Variants in ICA1 observed in about 807,000 individuals in gnomAD.
ICA1 encodes 69 kDa islet cell autoantigen.
Under a neutral mutation model 71.0 loss-of-function variants are expected in ICA1, and 40 were observed. The observed-to-expected ratio is 0.56, with a 90% CI of 0.44 to 0.73. ICA1 has a LOEUF of 0.73. Among genes scored for constraint, ICA1 ranks in the 30% least tolerant of loss-of-function variants. The pLI is 0.00. For missense variants in ICA1, 578 were observed against 576.5 expected (o/e 1.00, Z -0.03); for synonymous variants, 207 against 209.5 (o/e 0.99, Z 0.10).
intron 13 of ICA1, among the ~76,000 whole-genome samples, chr7:8,115,507 T>C (rs1784517068): frequency 6.6e-6 from 1 of 152,102 alleles, no homozygotes; most frequent in Admixed American, 6.5e-5. Flanking sequence ...TCCTCAAGGG[T>C]CTTAGGAGGT....
At chr7:8,156,984 C>T (rs1340643183) in intron 8 of ICA1, 132 bp downstream of exon 8, 1 of 1,576,924 alleles carries the variant, frequency 6.3e-7, no homozygotes, top group Non-Finnish European at 8.6e-7. Flanking sequence ...AAAGACTCTG[C>T]TGGGGGCACA....
intron 6 of ICA1, among the ~76,000 whole-genome samples, chr7:8,204,053 G>A (rs1790648932): frequency 6.8e-6 from 1 of 147,106 alleles, no homozygotes; most frequent in Non-Finnish European, 1.5e-5. Context: ...AAGAGACAGA[G>A]AGATTGGTGA....
chr7:8,219,322 G>A (rs1796332943), intron 5 of ICA1, among the ~76,000 whole-genome samples: 1 of 152,218 alleles, frequency 6.6e-6, no homozygotes, highest in African/African-American at 2.4e-5. Flanking sequence ...TCTTCATGAA[G>A]TTTCAGGGCA....
At chr7:8,246,567 T>C (rs566175216) in intron 1 of ICA1, among the ~76,000 whole-genome samples, 1 of 152,218 alleles carries the variant, frequency 6.6e-6, no homozygotes, top group East Asian at 1.9e-4. Context: ...CTTGATGGGG[T>C]TACAATATAT....
In ICA1 at chr7:8,132,081, AC is replaced by A. The variant is rs1369517288; in HGVS notation, c.1061-3940del. Among the ~76,000 whole-genome samples, 1 of 152,194 alleles carries A rather than the reference AC, an allele frequency of 6.6e-6. No homozygotes were observed. The highest frequency in any genetic ancestry group is 2.4e-5 in the African/African-American group (1 of 41,444). ...TGCAGGCTCCCAAGTCTCTGTGTTTACTTGCTTACCAGATAACCTAACTACA... is the reference window on the plus strand; with the variant it reads ...TGCAGGCTCCCAAGTCTCTGTGTTTATTGCTTACCAGATAACCTAACTACA... On this transcript the variant is annotated intron_variant, in intron 12 of 13. Transcript: ENST00000402384. The surrounding 1 kb of genome is among the most constrained non-coding windows in gnomAD (Gnocchi z 4.5).
Position 8,247,674 on chromosome 7 carries a change from C to A in ICA1, c.-79-11669G>T, listed in dbSNP as rs7784916. On this transcript the variant is annotated intron_variant, in intron 1 of 13. Coordinates refer to ENST00000402384, the MANE Select transcript of ICA1 (RefSeq NM_001136020.3). ...CTGCCTTGAACCCAGATACCAGATT[C>A]TTCTCCTTGGAAATATAATCTAGGA... is the stretch of plus-strand genomic sequence containing the variant. Among the ~76,000 whole-genome samples the A allele has an allele frequency of 7.0e-3, 1,059 of 152,240 alleles. 14 individuals are homozygous for A. The highest frequency in any genetic ancestry group is 0.024 in the African/African-American group (988 of 41,538).
intron 6 of ICA1, among the ~76,000 whole-genome samples, chr7:8,165,562 T>C (rs1805612099): frequency 6.6e-6 from 1 of 152,150 alleles, no homozygotes; most frequent in Non-Finnish European, 1.5e-5. Context: ...GGCACCCAAA[T>C]AGGAAGAGAG....
chr7:8,161,289 T>C (rs1803696071), intron 6 of ICA1, among the ~76,000 whole-genome samples: 1 of 151,968 alleles, frequency 6.6e-6, no homozygotes, highest in African/African-American at 2.4e-5. Flanking sequence ...CACTATATTA[T>C]AATAGAATGG....
At chr7:8,254,881 G>T (rs1282504205) in intron 1 of ICA1, among the ~76,000 whole-genome samples, 2 of 152,044 alleles carry the variant, frequency 1.3e-5, no homozygotes, top group Admixed American at 6.6e-5. Flanking sequence ...TGGCCTTCAG[G>T]GAGCAGTGGG....
intron 6 of ICA1, among the ~76,000 whole-genome samples, chr7:8,217,491 A>G (rs1795761593): frequency 6.6e-6 from 1 of 152,214 alleles, no homozygotes; most frequent in African/African-American, 2.4e-5. Context: ...CAAATGGATC[A>G]TTTGAAGTGA....
chr7:8,210,084 G>A (rs1334922474), intron 6 of ICA1, among the ~76,000 whole-genome samples: 3 of 152,206 alleles, frequency 2.0e-5, no homozygotes, highest in Non-Finnish European at 4.4e-5. Context: ...CCAGGAGAAA[G>A]ACATGATCAC....
At chr7:8,125,557 T>C (rs1285193874) in intron 13 of ICA1, among the ~76,000 whole-genome samples, 1 of 152,230 alleles carries the variant, frequency 6.6e-6, no homozygotes, top group African/African-American at 2.4e-5. Flanking sequence ...GGCTCTACTT[T>C]TTCCTTTTCT....
At chr7:8,128,344 CT>C (rs1790140499) in intron 12 of ICA1, among the ~76,000 whole-genome samples, 1 of 152,212 alleles carries the variant, frequency 6.6e-6, no homozygotes, top group Non-Finnish European at 1.5e-5. Flanking sequence ...CCCTTGTCCC[CT>C]GTCCTCCAAA....
At chr7:8,250,002 A>C (rs1323185591) in intron 1 of ICA1, among the ~76,000 whole-genome samples, 1 of 152,224 alleles carries the variant, frequency 6.6e-6, no homozygotes, top group East Asian at 1.9e-4. Flanking sequence ...TCCAGGGAGG[A>C]ACACGGCCTG....
At chr7:8,135,845 T>C (rs1186568122) in intron 12 of ICA1, among the ~76,000 whole-genome samples, 5 of 152,182 alleles carry the variant, frequency 3.3e-5, no homozygotes, top group African/African-American at 1.2e-4. Context: ...TTATGAGACT[T>C]AGGTGAGTTG....
chr7:8,218,913 G>T, intron 5 of ICA1: 1 of 272,648 alleles, frequency 3.7e-6, no homozygotes, highest in Non-Finnish European at 7.2e-6. Flanking sequence ...TCTCCGACTA[G>T]GCCATTTTAG....
intron 6 of ICA1, among the ~76,000 whole-genome samples, chr7:8,211,159 C>G (rs929800656): frequency 1.3e-5 from 2 of 152,226 alleles, no homozygotes; most frequent in Non-Finnish European, 2.9e-5. Flanking sequence ...AGGCCAACCT[C>G]CCAGAGAACC....
intron 1 of ICA1, among the ~76,000 whole-genome samples, chr7:8,242,863 C>A (rs118151637): frequency 0.021 from 3,248 of 152,200 alleles, 53 homozygotes; most frequent in Non-Finnish European, 0.034. Context: ...AGACTAAAAC[C>A]AGGAAGAAAT....
At chr7:8,257,967 G>C (rs922000803) in intron 1 of ICA1, among the ~76,000 whole-genome samples, 1 of 151,998 alleles carries the variant, frequency 6.6e-6, no homozygotes, top group Non-Finnish European at 1.5e-5. Context: ...TTGGGAGTGG[G>C]GAACGCTCTT....
Sources: allele counts gnomAD v4.1 joint callset (sites outside exome capture counted in the v4.1 genomes callset), GRCh38; gene constraint gnomAD v4.1.1; non-coding constraint Gnocchi (gnomAD v3.1); transcripts MANE v1.5; gene names NCBI Gene and HGNC (gene_info 2026-07-23, HGNC 2026-07-21).